SEL1L2: variants seen among roughly 807,000 people sequenced by gnomAD.
SEL1L2 encodes protein sel-1 homolog 2.
SEL1L2 carries 89 observed loss-of-function variants against 98.8 expected under a neutral mutation model. The ratio of observed to expected loss-of-function variants is 0.90; its 90% CI spans 0.76 to 1.07. The LOEUF (loss-of-function observed/expected upper bound fraction) is 1.07, where lower values mean the gene tolerates loss of function less well. Among genes scored for constraint, SEL1L2 ranks in the 50% least tolerant of loss-of-function variants. The pLI, the probability that SEL1L2 is intolerant of heterozygous loss-of-function variation, is 0.00. For missense variants in SEL1L2, 788 were observed against 812.0 expected (o/e 0.97, Z 0.36); for synonymous variants, 262 against 278.5 (o/e 0.94, Z 0.59).
At chr20:13,872,745 T>A (rs2046260916) in intron 12 of SEL1L2, among the ~76,000 whole-genome samples, 2 of 151,840 alleles carry the variant, frequency 1.3e-5, no homozygotes, top group Admixed American at 1.3e-4. Context: ...CCCATCACTG[T>A]TTAAGGCCCA....
chr20:13,902,458 T>C (rs907946039), intron 5 of SEL1L2, among the ~76,000 whole-genome samples: 1 of 152,218 alleles, frequency 6.6e-6, no homozygotes, highest in African/African-American at 2.4e-5. Context: ...GGTATCATTA[T>C]GAACAAATGG....
intron 3 of SEL1L2, among the ~76,000 whole-genome samples, chr20:13,925,321 G>A (rs2048841632): frequency 6.6e-6 from 1 of 152,170 alleles, no homozygotes; most frequent in African/African-American, 2.4e-5. Context: ...TATTGACTGA[G>A]GAAAAATTTT....
intron 18 of SEL1L2, among the ~76,000 whole-genome samples, chr20:13,856,418 C>A (rs558392284): frequency 6.6e-6 from 1 of 152,312 alleles, no homozygotes; most frequent in African/African-American, 2.4e-5. Context: ...GCGTGAGCCA[C>A]CATGCCTGGC....
chr20:13,971,482 G>C (rs1181693599), intron 1 of SEL1L2, among the ~76,000 whole-genome samples: 1 of 152,112 alleles, frequency 6.6e-6, no homozygotes, highest in African/African-American at 2.4e-5. Context: ...CTGAAGTGCA[G>C]TGGCACAGTC....
Position 13,894,973 on chromosome 20 carries a change from T to C in SEL1L2, c.550-6461A>G, listed in dbSNP as rs139584227. Among the ~76,000 whole-genome samples the C allele has an allele frequency of 5.6e-4, 86 of 152,286 alleles. No homozygotes were observed. The East Asian group carries it at 0.01, about 18-fold the overall frequency. Reference sequence around the variant, plus strand: ...CAAACTTTCCATGAGGCCAGCATTATCCTGATTCCAAAACTAGACAAAGAC... The same window carrying C: ...CAAACTTTCCATGAGGCCAGCATTACCCTGATTCCAAAACTAGACAAAGAC... On this transcript the variant is annotated intron_variant, in intron 5 of 19. Coordinates refer to ENST00000284951, the MANE Select transcript of SEL1L2 (RefSeq NM_025229.2).
chr20:13,973,819 C>T (rs1388635795), intron 1 of SEL1L2, among the ~76,000 whole-genome samples: 1 of 152,076 alleles, frequency 6.6e-6, no homozygotes. Flanking sequence ...AGATCTAGTT[C>T]TAGGGTTGGG....
intron 1 of SEL1L2, among the ~76,000 whole-genome samples, chr20:13,984,691 C>T (rs1277286494): frequency 1.3e-5 from 2 of 151,950 alleles, no homozygotes; most frequent in African/African-American, 2.4e-5. Context: ...TTCCCCTCCC[C>T]TCCCATCACC....
intron 5 of SEL1L2, among the ~76,000 whole-genome samples, chr20:13,900,219 TTA>T (rs1399937945): frequency 1.3e-5 from 2 of 152,092 alleles, no homozygotes; most frequent in Non-Finnish European, 2.9e-5. Context: ...AGGAACTGAT[TTA>T]TATTTTCTGG....
In SEL1L2 at chr20:13,856,677, T is replaced by G. The variant is rs541250343; in HGVS notation, c.1818+2585A>C. ...ATCATCGCAGCCCCAACTTCCTTTT[T>G]GAAAGACAGATGATAAAAATAATGA... On this transcript the variant is annotated intron_variant, in intron 18 of 19. Coordinates refer to ENST00000284951, the MANE Select transcript of SEL1L2 (RefSeq NM_025229.2). Among the ~76,000 whole-genome samples, 271 of 152,272 alleles carry G rather than the reference T, an allele frequency of 1.8e-3. 2 individuals carry two copies. Among genetic ancestry groups the G allele is most frequent in the Admixed American group, 2.9e-3 (45 of 15,302 alleles).
At chr20:13,858,225 A>G (rs1050086717) in intron 18 of SEL1L2, among the ~76,000 whole-genome samples, 1 of 152,170 alleles carries the variant, frequency 6.6e-6, no homozygotes, top group Admixed American at 6.5e-5. Context: ...CCCTACCAAT[A>G]ATTCTCAATT....
chr20:13,917,582 T>C (rs6110088), intron 4 of SEL1L2, among the ~76,000 whole-genome samples: 1,892 of 152,262 alleles, frequency 0.012, 37 homozygotes, highest in African/African-American at 0.043. Context: ...AGAATCATAG[T>C]TGAGTGCTCC....
intron 2 of SEL1L2, among the ~76,000 whole-genome samples, chr20:13,934,254 A>G (rs901178013): frequency 3.5e-5 from 5 of 140,946 alleles, no homozygotes; most frequent in Non-Finnish European, 6.0e-5. Context: ...TTCACTTAAA[A>G]TAATATTATC....
chr20:13,959,364 CT>C (rs1177271746), intron 1 of SEL1L2, among the ~76,000 whole-genome samples: 1 of 152,128 alleles, frequency 6.6e-6, no homozygotes, highest in African/African-American at 2.4e-5. Context: ...GTTTGGTGGT[CT>C]GCTGCCGGTC....
upstream of SEL1L2, among the ~76,000 whole-genome samples, chr20:13,991,580 G>T (rs74343230): frequency 5.6e-4 from 85 of 152,236 alleles, no homozygotes; most frequent in Middle Eastern, 0.014. Flanking sequence ...TTCAGTCTCT[G>T]CTCAGTCATC....
rs11469570 is a variant in SEL1L2 at position 13,931,048 on chromosome 20, A to AT, written c.283+554dup. Among the ~76,000 whole-genome samples the AT allele has an allele frequency of 6.2e-3, 901 of 144,282 alleles. 5 individuals carry two copies. Among genetic ancestry groups the AT allele is most frequent in the African/African-American group, 0.02 (781 of 38,878 alleles). 94.7% of individuals were successfully genotyped at this position (144,282 alleles called of 152,430 possible). On this transcript the variant is annotated intron_variant, in intron 3 of 19. Transcript: ENST00000284951. ...TCAGAAGGCTGAGACAGGAGTATCT[A>AT]TTTTTTTTTTTTTTTGACGGAGTCT...
intron 19 of SEL1L2, 193 bp downstream of exon 19, chr20:13,849,998 T>C (rs988141754): frequency 2.3e-5 from 14 of 608,978 alleles, no homozygotes; most frequent in Non-Finnish European, 3.7e-5. Flanking sequence ...TAATTGCTTA[T>C]ACTCTGAAGT....
At chr20:13,887,512 C>A (rs764615036) in intron 8 of SEL1L2, among the ~76,000 whole-genome samples, 13 of 151,872 alleles carry the variant, frequency 8.6e-5, no homozygotes, top group Non-Finnish European at 1.9e-4. Context: ...AAGAACATCA[C>A]AAAGGCAAGT....
chr20:13,878,338 C>G (rs2046532068), intron 10 of SEL1L2, among the ~76,000 whole-genome samples: 1 of 148,398 alleles, frequency 6.7e-6, no homozygotes, highest in African/African-American at 2.5e-5. Flanking sequence ...GAGTCTCACT[C>G]TGTCGCCCAG....
At chr20:13,958,800 C>T (rs1380529951) in intron 1 of SEL1L2, among the ~76,000 whole-genome samples, 7 of 151,344 alleles carry the variant, frequency 4.6e-5, no homozygotes, top group East Asian at 1.9e-4. Context: ...AAAAGTTAGC[C>T]GGGTGTGGTG....
Sources: gnomAD v4.1 joint callset for allele counts (sites outside exome capture counted in the v4.1 genomes callset) on GRCh38, gnomAD v4.1.1 for gene constraint, MANE v1.5 for transcripts, NCBI Gene and HGNC (gene_info 2026-07-23, HGNC 2026-07-21) for gene names.